INTS14: variants seen among roughly 807,000 people sequenced by gnomAD.
The protein encoded by INTS14 is UPF0464 protein C15orf44.
INTS14 carries 27 observed loss-of-function variants against 56.9 expected under a neutral mutation model. The observed-to-expected ratio is 0.47, with a 90% CI of 0.35 to 0.65. INTS14 has a LOEUF of 0.65. Among genes scored for constraint, INTS14 ranks in the 30% least tolerant of loss-of-function variants. INTS14 has a pLI of 0.00. For synonymous variants in INTS14, 207 were observed against 236.2 expected (o/e 0.88, Z 1.13); for missense variants, 517 against 632.2 (o/e 0.82, Z 1.95).
chr15:65,595,666 A>G, intron 7 of INTS14, 67 bp downstream of exon 7: 1 of 1,298,888 alleles, frequency 7.7e-7, no homozygotes, highest in Non-Finnish European at 1.1e-6. Context: ...CTATCCTACT[A>G]TCTAAGATTT....
chr15:65,611,128 G>A lies in INTS14; in HGVS notation c.-93C>T. On this transcript the variant is annotated 5_prime_UTR_variant, in exon 1 of 12. Transcript: ENST00000313182. ...GCCCATCGCCGGACACAGTCCGTCG[G>A]CATAAACTTTCCGTCGGCATAAACT... is the stretch of plus-strand genomic sequence containing the variant. 6.5e-7 allele frequency: 1 copy of A among 1,534,858 alleles called. No individual in the cohort carries two copies. The highest frequency in any genetic ancestry group is 8.7e-7 in the Non-Finnish European group (1 of 1,146,412).
intron 7 of INTS14, among the ~76,000 whole-genome samples, chr15:65,594,537 C>A (rs1293480535): frequency 6.7e-6 from 1 of 150,198 alleles, no homozygotes; most frequent in Non-Finnish European, 1.5e-5. Context: ...GGACTACAGG[C>A]GCCTGCCACT....
At chr15:65,590,110 C>T (rs1202867853) in intron 9 of INTS14, among the ~76,000 whole-genome samples, 1 of 152,190 alleles carries the variant, frequency 6.6e-6, no homozygotes, top group East Asian at 1.9e-4. Context: ...ATCCTACCTC[C>T]TAAATATCTT....
At chr15:65,602,783 G>A (rs994877877) in intron 3 of INTS14, among the ~76,000 whole-genome samples, 2 of 151,794 alleles carry the variant, frequency 1.3e-5, no homozygotes, top group African/African-American at 2.4e-5. Context: ...TTCTCCTGCC[G>A]CAGCCTCCTG....
At chr15:65,598,662 T>C (rs935714016) in intron 5 of INTS14, 199 bp from the exon 6 acceptor site, 1 of 736,980 alleles carries the variant, frequency 1.4e-6, no homozygotes, top group Non-Finnish European at 2.1e-6. Context: ...ATTTGAAATT[T>C]TGCTGAGTCA....
In INTS14 at chr15:65,605,176, CA is replaced by C. The variant is rs1470274405; in HGVS notation, c.282del (p.Val95PhefsTer20). ...CATTCTTGCTGAACGATATTGCAAACACCAACTAATGCAGACTCCAAGCAGG... is the reference window on the plus strand; with the variant it reads ...CATTCTTGCTGAACGATATTGCAAACCCAACTAATGCAGACTCCAAGCAGG... ...DKTCLESALV[G>X]VCNIVQQEWG... On this transcript the variant is annotated frameshift_variant, in exon 3 of 12. Coordinates refer to ENST00000313182, the MANE Select transcript of INTS14 (RefSeq NM_001394796.1). LOFTEE classifies it high-confidence loss of function. 1.1e-5 allele frequency: 18 copies of C among 1,614,172 alleles called. No individual in the cohort carries two copies. Among genetic ancestry groups the C allele is most frequent in the Non-Finnish European group, 1.5e-5 (18 of 1,180,014 alleles).
intron 6 of INTS14, among the ~76,000 whole-genome samples, chr15:65,598,039 C>T (rs919958479): frequency 3.9e-5 from 6 of 152,138 alleles, no homozygotes; most frequent in Non-Finnish European, 7.3e-5. Context: ...TACACATGCA[C>T]GAAGCTGACA....
chr15:65,589,558 T>A (rs889652870), intron 9 of INTS14, among the ~76,000 whole-genome samples: 10 of 152,206 alleles, frequency 6.6e-5, no homozygotes, highest in Non-Finnish European at 1.5e-4. Context: ...CAGGCTACCA[T>A]GCTACAGAGC....
chr15:65,603,883 C>T (rs1027836849), intron 3 of INTS14, among the ~76,000 whole-genome samples: 2 of 152,098 alleles, frequency 1.3e-5, no homozygotes, highest in Non-Finnish European at 2.9e-5. Flanking sequence ...GCCTAAAATA[C>T]AAAAAAACTT....
chr15:65,579,864 C>T (rs1188742299), intron 11 of INTS14, among the ~76,000 whole-genome samples: 4 of 152,120 alleles, frequency 2.6e-5, no homozygotes, highest in Non-Finnish European at 2.9e-5. Context: ...CAGAAGCAGG[C>T]TAAGGAAGAC....
chr15:65,610,961 C>G (rs1270651798), intron 1 of INTS14, 137 bp downstream of exon 1: 1 of 1,479,592 alleles, frequency 6.8e-7, no homozygotes, highest in Admixed American at 2.4e-5. Context: ...TGGCGCCTCA[C>G]AGACAGCGCG....
At chr15:65,600,017 G>A (rs2073370042) in intron 3 of INTS14, 88 bp from the exon 4 acceptor site, 1 of 1,405,670 alleles carries the variant, frequency 7.1e-7, no homozygotes, top group African/African-American at 1.4e-5. Context: ...TGCTAGAAAG[G>A]GGCACCAGGG....
At chr15:65,607,094 A>T (rs533315372) in intron 2 of INTS14, 65 bp downstream of exon 2, 1 of 1,570,920 alleles carries the variant, frequency 6.4e-7, no homozygotes, top group East Asian at 2.3e-5. Flanking sequence ...TCAACGCATT[A>T]TAACACTGTT....
rs189152285 is a variant in INTS14 at position 65,602,752 on chromosome 15, C to G, written c.330+2377G>C. On this transcript the variant is annotated intron_variant, in intron 3 of 11. Coordinates refer to ENST00000313182, the MANE Select transcript of INTS14 (RefSeq NM_001394796.1). Reference sequence around the variant, plus strand: ...CAATCTTGGCTGACCAGTGCAACCTCTGCCTCCCCGGTTCAAGCGATTCTC... The same window carrying G: ...CAATCTTGGCTGACCAGTGCAACCTGTGCCTCCCCGGTTCAAGCGATTCTC... Among the ~76,000 whole-genome samples, 27 of 151,946 alleles carry G rather than the reference C, an allele frequency of 1.8e-4. No homozygotes were observed. In the East Asian group the frequency reaches 5.2e-3, roughly 29 times the overall value.
intron 11 of INTS14, among the ~76,000 whole-genome samples, chr15:65,580,968 C>G (rs968343077): frequency 1.5e-4 from 23 of 152,164 alleles, no homozygotes; most frequent in African/African-American, 4.6e-4. Flanking sequence ...TAAAAATGTT[C>G]TGGGGTGGCC....
At chr15:65,599,968 T>G (rs1240437545) in intron 3 of INTS14, 39 bp from the exon 4 acceptor site, 1 of 1,593,832 alleles carries the variant, frequency 6.3e-7, no homozygotes, top group Admixed American at 1.8e-5. Context: ...GTACATTAAA[T>G]TACATATTTA....
chr15:65,582,107 G>T, intron 10 of INTS14, 88 bp from the exon 11 acceptor site: 1 of 1,182,418 alleles, frequency 8.5e-7, no homozygotes, highest in Non-Finnish European at 1.2e-6. Flanking sequence ...AATGTTTAAA[G>T]AGATGAAAAT....
At chr15:65,599,992 TAGCAGTGTTTTCACTGCTAGAAAGGGGC>T in intron 3 of INTS14, 63 bp from the exon 4 acceptor site, 1 of 1,536,676 alleles carries the variant, frequency 6.5e-7, no homozygotes, top group Non-Finnish European at 8.8e-7. Context: ...CAGTCCCATT[TAGCAGTGTTTTCACTGCTAGAAAGGGGC>T]ACCAGGGCTG....
At chr15:65,588,633 A>C (rs1419228697) in intron 9 of INTS14, among the ~76,000 whole-genome samples, 1 of 151,722 alleles carries the variant, frequency 6.6e-6, no homozygotes, top group Non-Finnish European at 1.5e-5. Context: ...GCTCCACTGC[A>C]CTCCAGCCTG....
Sources: gnomAD v4.1 joint callset for allele counts (sites outside exome capture counted in the v4.1 genomes callset) on GRCh38, gnomAD v4.1.1 for gene constraint, MANE v1.5 for transcripts, NCBI Gene and HGNC (gene_info 2026-07-23, HGNC 2026-07-21) for gene names.